The following AMZ1 variants were observed in gnomAD, a reference collection of about 807,000 sequenced individuals.
AMZ1 encodes archaelysin family metallopeptidase 1, also known as archaemetzincin-1.
In AMZ1, 39 loss-of-function variants were observed where a neutral mutation model predicts 29.9. That is an observed-to-expected ratio of 1.30 (90% CI 1.01 to 1.70). The LOEUF (loss-of-function observed/expected upper bound fraction) is 1.70, where lower values mean the gene tolerates loss of function less well. AMZ1 is among the 40% of genes most tolerant of loss of function. The probability of loss-of-function intolerance (pLI) is 0.00; values close to 1 mark genes in which losing one functional copy is unlikely to be tolerated. For missense variants in AMZ1, 1,041 were observed against 680.6 expected (o/e 1.53, Z -5.89); for synonymous variants, 458 against 304.0 (o/e 1.51, Z -5.27).
At chr7:2,683,819 G>T (rs541948569), upstream of AMZ1, among the ~76,000 whole-genome samples, 3 of 151,868 alleles carry the variant, frequency 2.0e-5, no homozygotes, top group African/African-American at 7.2e-5. Flanking sequence ...CTCCCACCTC[G>T]GCTTCCCAAA....
chr7:2,683,396 T>A (rs1206168062), upstream of AMZ1, among the ~76,000 whole-genome samples: 1 of 152,158 alleles, frequency 6.6e-6, no homozygotes, highest in African/African-American at 2.4e-5. Flanking sequence ...CCTCTGTGTC[T>A]CTGTGTCTTC....
At chr7:2,701,335 C>T (rs1232344441) in intron 2 of AMZ1, among the ~76,000 whole-genome samples, 2 of 152,182 alleles carry the variant, frequency 1.3e-5, no homozygotes. Context: ...GTGTGACTGG[C>T]AGAGCTGGTC....
rs1352538463 is a variant in AMZ1, at chr7:2,712,370, C to T, written c.989C>T (p.Pro330Leu). The T allele has an allele frequency of 2.5e-6, 4 of 1,604,520 alleles. No homozygotes were observed. The highest frequency in any genetic ancestry group is 2.6e-6 in the Non-Finnish European group (3 of 1,175,458). Residue 330 changes from proline (P) to leucine (L), a missense_variant, in exon 7 of 7, where the codon CCC (proline) becomes CTC (leucine). By Grantham distance (98) the Pro-to-Leu change is moderately conservative. Transcript: ENST00000683327. ...ACTCAGGCGGTGGTGGGGACGTGGC[C>T]CAGCCAGGAGGCGGGGGAGCCGTCA... is the stretch of plus-strand genomic sequence containing the variant. The part of the protein sequence containing the change: ...TWTQAVVGTW[P>L]SQEAGEPSVW...
chr7:2,716,015 T>C lies in AMZ1; in HGVS notation c.*3137T>C, dbSNP rs933910437. The C allele has an allele frequency of 6.6e-6, 1 of 152,262 alleles. No individual in the cohort carries two copies. The highest frequency in any genetic ancestry group is 2.4e-5 in the African/African-American group (1 of 41,468). The allele number at this position is 152,262 out of a possible 1,614,324, so 9.4% of individuals were successfully genotyped here. ...AAGGATGGGTCTTCCAGCTTGACGA[T>C]GACCTCTCTTCGGAGAGCCTCACCC... is the stretch of plus-strand genomic sequence containing the variant. On this transcript the variant is annotated 3_prime_UTR_variant, in exon 7 of 7. Transcript: ENST00000683327.
In AMZ1 at chr7:2,717,423, C is replaced by G. The variant is rs904757832; in HGVS notation, c.*4545C>G. 6.6e-6 allele frequency among the ~76,000 whole-genome samples: 1 copy of G among 152,172 alleles called. No individual in the cohort carries two copies. Among genetic ancestry groups the G allele is most frequent in the South Asian group, 2.1e-4 (1 of 4,832 alleles). On this transcript the variant is annotated 3_prime_UTR_variant, in exon 7 of 7. Coordinates refer to ENST00000683327, the MANE Select transcript of AMZ1 (RefSeq NM_001384743.1). ...GAGAGACTCACGGGGGCCTGGCTGC[C>G]GTCCTGGGAGAGGCCCCGGGAACCG...
In AMZ1 at chr7:2,709,744, C is replaced by T; in HGVS notation, c.876C>T (p.Pro292=). ...ALSLDEALRR[P]LDLCPICLRK... ...GCCTGGACGAGGCCCTGCGGCGGCC[C>T]CTGGACCTCTGTCCCATCTGCCTGA... The change falls in exon 6 of 7, where the codon CCC becomes CCT. Residue 292 remains proline (P), a synonymous_variant. Transcript: ENST00000683327. The T allele has an allele frequency of 6.2e-7, 1 of 1,611,578 alleles. No individual in the cohort carries two copies. The highest frequency in any genetic ancestry group is 8.5e-7 in the Non-Finnish European group (1 of 1,179,868).
intron 1 of AMZ1, among the ~76,000 whole-genome samples, chr7:2,698,544 C>G (rs973438343): frequency 2.0e-5 from 3 of 151,342 alleles, no homozygotes; most frequent in Non-Finnish European, 4.4e-5. Context: ...TCTAAAAAAA[C>G]AAAAAGAAGT....
chr7:2,711,846 C>A lies in AMZ1; in HGVS notation c.949-484C>A, dbSNP rs1398882393. 2.0e-5 allele frequency among the ~76,000 whole-genome samples: 3 copies of A among 152,124 alleles called. 1 individual carries two copies. Among genetic ancestry groups the A allele is most frequent in the Admixed American group, 2.0e-4 (3 of 15,268 alleles). On this transcript the variant is annotated intron_variant, in intron 6 of 6. Coordinates refer to ENST00000683327, the MANE Select transcript of AMZ1 (RefSeq NM_001384743.1). Reference sequence around the variant, plus strand: ...GTCATCTGAGGTCAGGAGTTTGAGACCAGCCTGGCTAACATGGTGAAACCC... The same window carrying A: ...GTCATCTGAGGTCAGGAGTTTGAGAACAGCCTGGCTAACATGGTGAAACCC...
At chr7:2,696,800 C>T (rs535932515) in intron 1 of AMZ1, among the ~76,000 whole-genome samples, 6 of 151,964 alleles carry the variant, frequency 3.9e-5, no homozygotes, top group South Asian at 2.1e-4. Context: ...GCAGGAGAAT[C>T]GCTTGAACCC....
chr7:2,702,696 G>T, intron 2 of AMZ1, 26 bp from the exon 3 acceptor site: 1 of 1,511,530 alleles, frequency 6.6e-7, no homozygotes, highest in Admixed American at 2.1e-5. Flanking sequence ...GGCGTCGCAG[G>T]GCTGACGGTG....
At position 2,731,712 on chromosome 7, in the gene AMZ1, C is replaced by T; in HGVS notation, n.550+21896C>T. 2 of 1,577,382 alleles carry T rather than the reference C, an allele frequency of 1.3e-6. No individual in the cohort carries two copies. The highest frequency in any genetic ancestry group is 1.7e-6 in the Non-Finnish European group (2 of 1,157,540). On this transcript the variant is annotated intron_variant and non_coding_transcript_variant, in intron 4 of 4. Transcript: ENST00000489665. The surrounding 1 kb of genome is among the most constrained non-coding windows in gnomAD (Gnocchi z 6.0). ...GCTCCACAATTCCCTTGGTGGCTTTCCTAGCCAGCAGGATATCTTGCTTAC... is the reference window on the plus strand; with the variant it reads ...GCTCCACAATTCCCTTGGTGGCTTTTCTAGCCAGCAGGATATCTTGCTTAC...
At chr7:2,710,682 C>T (rs963226090) in intron 6 of AMZ1, among the ~76,000 whole-genome samples, 2 of 152,244 alleles carry the variant, frequency 1.3e-5, no homozygotes, top group Admixed American at 1.3e-4. Context: ...TGCAGGGATC[C>T]TCTCTGAAGA....
chr7:2,761,177 C>T (rs577275763), upstream of AMZ1, among the ~76,000 whole-genome samples: 77 of 152,340 alleles, frequency 5.1e-4, no homozygotes, highest in Non-Finnish European at 9.3e-4. Flanking sequence ...ACCGAGCCAC[C>T]GTGCACGGCA....
intron 4 of AMZ1, among the ~76,000 whole-genome samples, chr7:2,753,487 G>C (rs1372968802): frequency 1.3e-5 from 2 of 152,126 alleles, no homozygotes; most frequent in African/African-American, 4.8e-5. Context: ...AATGTCCTTG[G>C]GATCTGCTCA....
At chr7:2,684,427 G>T (rs911486336), upstream of AMZ1, among the ~76,000 whole-genome samples, 9 of 152,180 alleles carry the variant, frequency 5.9e-5, no homozygotes, top group Non-Finnish European at 7.3e-5. Context: ...GGAAACTGAG[G>T]CAGGGCAAGG....
chr7:2,682,830 C>T (rs1488236911), intron 1 of AMZ1, among the ~76,000 whole-genome samples: 3 of 151,648 alleles, frequency 2.0e-5, no homozygotes, highest in Non-Finnish European at 4.4e-5. Context: ...TTGCCCAGAT[C>T]CCTGCAGGCA....
Position 2,715,603 on chromosome 7 carries a change from G to T in AMZ1, c.*2725G>T, listed in dbSNP as rs7797295. 1.3e-5 allele frequency: 2 copies of T among 152,032 alleles called. No homozygotes were observed. The highest frequency in any genetic ancestry group is 2.9e-5 in the Non-Finnish European group (2 of 68,008). The allele number at this position is 152,032 out of a possible 1,614,324, so 9.4% of individuals were successfully genotyped here. A position where few individuals can be genotyped will look rare whatever the true frequency, so the allele number is the denominator to read the frequency against. On this transcript the variant is annotated 3_prime_UTR_variant, in exon 7 of 7. Coordinates refer to ENST00000683327, the MANE Select transcript of AMZ1 (RefSeq NM_001384743.1). Reference sequence around the variant, plus strand: ...AAAAAAAACTCCTTTTATCCGCAGCGTTTACCAACTTGCAGATGTCAGTGA... The same window carrying T: ...AAAAAAAACTCCTTTTATCCGCAGCTTTTACCAACTTGCAGATGTCAGTGA...
chr7:2,701,029 G>A (rs765829705), intron 2 of AMZ1, among the ~76,000 whole-genome samples: 29 of 152,296 alleles, frequency 1.9e-4, no homozygotes, highest in Non-Finnish European at 3.1e-4. Flanking sequence ...TCCTGGCTAC[G>A]CCTGTTGAAA....
chr7:2,762,547 T>C (rs1791611587), upstream of AMZ1: 1 of 1,327,250 alleles, frequency 7.5e-7, no homozygotes, highest in Non-Finnish European at 1.0e-6. Context: ...CCTTCTATTC[T>C]GGAGTTAGAT....
Sources: allele counts gnomAD v4.1 joint callset (sites outside exome capture counted in the v4.1 genomes callset), GRCh38; gene constraint gnomAD v4.1.1; non-coding constraint Gnocchi (gnomAD v3.1); transcripts MANE v1.5; gene names NCBI Gene and HGNC (gene_info 2026-07-23, HGNC 2026-07-21).